The following MARCHF10 variants were observed in gnomAD, a reference collection of about 807,000 sequenced individuals.
MARCHF10 encodes probable E3 ubiquitin-protein ligase MARCHF10.
Under a neutral mutation model 76.2 loss-of-function variants are expected in MARCHF10, and 64 were observed. The observed-to-expected ratio is 0.84, with a 90% confidence interval of 0.69 to 1.03. The LOEUF (loss-of-function observed/expected upper bound fraction) is 1.03, where lower values mean the gene tolerates loss of function less well. Ranked by LOEUF, MARCHF10 falls within the 50% of genes least tolerant of loss-of-function variation. The pLI, the probability that MARCHF10 is intolerant of heterozygous loss-of-function variation, is 0.00. For synonymous variants in MARCHF10, 340 were observed against 357.5 expected (o/e 0.95, Z 0.55); for missense variants, 875 against 958.0 (o/e 0.91, Z 1.14).
chr17:62,726,390 T>C (rs1301922127), intron 6 of MARCHF10, among the ~76,000 whole-genome samples: 2 of 152,232 alleles, frequency 1.3e-5, no homozygotes, highest in Non-Finnish European at 2.9e-5. Context: ...TTTTTCCCCA[T>C]GAAAGGGCAG....
chr17:62,803,595 C>A (rs1204783338), intron 1 of MARCHF10, among the ~76,000 whole-genome samples: 1 of 152,104 alleles, frequency 6.6e-6, no homozygotes, highest in African/African-American at 2.4e-5. Flanking sequence ...TCTCGGCTCA[C>A]CACAACCTCC....
intron 2 of MARCHF10, among the ~76,000 whole-genome samples, chr17:62,792,676 C>T: frequency 2.0e-5 from 3 of 149,784 alleles, no homozygotes; most frequent in South Asian, 4.3e-4. Flanking sequence ...ACCACCACCA[C>T]CACCTCCATC....
At position 62,722,590 on chromosome 17, in the gene MARCHF10, A is replaced by T; in HGVS notation, c.2112T>A (p.Asp704Glu). Residue 704 changes from aspartate (D) to glutamate (E), a missense_variant, in exon 8 of 11, where the codon GAT becomes GAA. Asp to Glu is a conservative substitution (Grantham distance 45, BLOSUM62 2). Transcript: ENST00000311269. ...TCTCACAGGTCTTCACGGCACCAAG[A>T]TCTGCTCCTTAAATTGGATAAAGAA... ...WLKVKITSGA[D>E]LGAVKTCEMC... 6.2e-7 allele frequency: 1 copy of T among 1,613,292 alleles called. No individual in the cohort carries two copies. The highest frequency in any genetic ancestry group is 8.5e-7 in the Non-Finnish European group (1 of 1,179,662).
At chr17:62,752,571 C>T (rs1450631103) in intron 4 of MARCHF10, among the ~76,000 whole-genome samples, 2 of 152,134 alleles carry the variant, frequency 1.3e-5, no homozygotes, top group African/African-American at 2.4e-5. Context: ...ATCCAAGTCA[C>T]CAAGTTCTGC....
At chr17:62,800,948 G>A (rs185067149) in intron 2 of MARCHF10, among the ~76,000 whole-genome samples, 7 of 152,272 alleles carry the variant, frequency 4.6e-5, no homozygotes, top group African/African-American at 1.4e-4. Context: ...AACGAAGGGC[G>A]TGTTATTTTA....
intron 4 of MARCHF10, among the ~76,000 whole-genome samples, chr17:62,745,208 A>T (rs373496113): frequency 6.7e-6 from 1 of 149,812 alleles, no homozygotes; most frequent in African/African-American, 2.5e-5. Context: ...GGTGCAAGCG[A>T]TTCTCCTGCC....
At chr17:62,745,623 G>T (rs1242965858) in intron 4 of MARCHF10, among the ~76,000 whole-genome samples, 2 of 152,192 alleles carry the variant, frequency 1.3e-5, no homozygotes, top group African/African-American at 4.8e-5. Flanking sequence ...TCTGGGAACC[G>T]TATGCCTTTC....
Position 62,708,597 on chromosome 17 carries a change from C to A in MARCHF10, c.2328+2634G>T, listed in dbSNP as rs1023451387. Among the ~76,000 whole-genome samples the A allele has an allele frequency of 2.6e-5, 4 of 152,126 alleles. No individual in the cohort carries two copies. The South Asian group carries it at 8.3e-4, about 32-fold the overall frequency. ...CTGTGCATCAGAATGTTACTAAGCA[C>A]CTATTAGGTACTAGGCATTTTCTAG... On this transcript the variant is annotated intron_variant, in intron 9 of 10. Transcript: ENST00000311269.
At chr17:62,766,238 C>T (rs956445163) in intron 3 of MARCHF10, among the ~76,000 whole-genome samples, 3 of 152,132 alleles carry the variant, frequency 2.0e-5, no homozygotes, top group South Asian at 2.1e-4. Context: ...CGGTGGCTCA[C>T]GCCTGTAATC....
intron 1 of MARCHF10, among the ~76,000 whole-genome samples, chr17:62,804,191 A>G (rs986890486): frequency 6.6e-6 from 1 of 152,102 alleles, no homozygotes; most frequent in Non-Finnish European, 1.5e-5. Context: ...GCTTCAGAAA[A>G]CACAGGAGGA....
intron 3 of MARCHF10, among the ~76,000 whole-genome samples, chr17:62,769,746 G>T (rs1028445466): frequency 6.6e-6 from 1 of 152,082 alleles, no homozygotes; most frequent in Non-Finnish European, 1.5e-5. Context: ...TTATTAGCTA[G>T]CATTCTTCTC....
At chr17:62,749,218 G>C (rs2091814562) in intron 4 of MARCHF10, among the ~76,000 whole-genome samples, 1 of 152,008 alleles carries the variant, frequency 6.6e-6, no homozygotes, top group African/African-American at 2.4e-5. Flanking sequence ...GGAAAAAAAA[G>C]GTAGAAATCT....
chr17:62,745,824 G>A (rs527754721), intron 4 of MARCHF10, among the ~76,000 whole-genome samples: 1 of 152,336 alleles, frequency 6.6e-6, no homozygotes, highest in Non-Finnish European at 1.5e-5. Flanking sequence ...TGAATGTGGA[G>A]GAAAAGTTCT....
chr17:62,717,178 C>G (rs1362366742), intron 8 of MARCHF10, among the ~76,000 whole-genome samples: 1 of 152,246 alleles, frequency 6.6e-6, no homozygotes, highest in Non-Finnish European at 1.5e-5. Context: ...GGGTTTCGCC[C>G]AGGCTGTGAG....
At chr17:62,744,659 C>A in intron 4 of MARCHF10, 131 bp from the exon 5 acceptor site, 1 of 882,160 alleles carries the variant, frequency 1.1e-6, no homozygotes, top group East Asian at 2.7e-5. Flanking sequence ...AGAAGGGACC[C>A]AGGAGGTCAC....
At chr17:62,761,175 A>G (rs1303337891) in intron 3 of MARCHF10, among the ~76,000 whole-genome samples, 2 of 152,356 alleles carry the variant, frequency 1.3e-5, no homozygotes, top group Middle Eastern at 3.4e-3. Context: ...AGGTGGACAC[A>G]TCATTATGCT....
intron 3 of MARCHF10, among the ~76,000 whole-genome samples, chr17:62,768,505 G>A (rs1352162150): frequency 1.3e-5 from 2 of 152,156 alleles, no homozygotes; most frequent in South Asian, 2.1e-4. Flanking sequence ...GGGTGACAGG[G>A]CAAAATTCCG....
At chr17:62,772,983 G>T (rs1218823504) in intron 3 of MARCHF10, among the ~76,000 whole-genome samples, 1 of 152,098 alleles carries the variant, frequency 6.6e-6, no homozygotes, top group African/African-American at 2.4e-5. Flanking sequence ...AATAAAAGTG[G>T]GTTCCTTTGA....
chr17:62,783,415 A>G (rs573130539), intron 3 of MARCHF10, among the ~76,000 whole-genome samples: 158 of 152,196 alleles, frequency 1.0e-3, no homozygotes, highest in African/African-American at 3.8e-3. Context: ...TGCCCACAAG[A>G]GAAAGCAGGA....
Sources: allele counts gnomAD v4.1 joint callset (sites outside exome capture counted in the v4.1 genomes callset), GRCh38; gene constraint gnomAD v4.1.1; transcripts MANE v1.5; gene names NCBI Gene and HGNC (gene_info 2026-07-23, HGNC 2026-07-21).